OTOGL: variants seen among roughly 807,000 people sequenced by gnomAD.
The protein encoded by OTOGL is otogelin-like protein.
OTOGL carries 285 observed loss-of-function variants against 318.5 expected under a neutral mutation model. The ratio of observed to expected loss-of-function variants is 0.89; its 90% CI spans 0.81 to 0.99. The LOEUF (loss-of-function observed/expected upper bound fraction) is 0.99. Among genes scored for constraint, OTOGL ranks in the 50% least tolerant of loss-of-function variants. The probability of loss-of-function intolerance (pLI) is 0.00; values close to 1 mark genes in which losing one functional copy is unlikely to be tolerated. For synonymous variants in OTOGL, 987 were observed against 936.5 expected (o/e 1.05, Z -0.99); for missense variants, 2,899 against 2,845.6 (o/e 1.02, Z -0.43).
chr12:80,204,185 G>T (rs1002328855), intron 1 of OTOGL, among the ~76,000 whole-genome samples: 1 of 152,148 alleles, frequency 6.6e-6, no homozygotes, highest in Non-Finnish European at 1.5e-5. Context: ...CAAACGAAGG[G>T]CATAATTCCT....
chr12:80,209,340 T>C (rs1288470874), intron 1 of OTOGL, 73 bp from the exon 2 acceptor site: 2 of 778,996 alleles, frequency 2.6e-6, no homozygotes, highest in Admixed American at 3.5e-5. Context: ...TTATTAGAAT[T>C]TGAGTACCCT....
At chr12:80,198,649 A>G (rs1876251843) in intron 1 of OTOGL, among the ~76,000 whole-genome samples, 1 of 152,170 alleles carries the variant, frequency 6.6e-6, no homozygotes, top group Non-Finnish European at 1.5e-5. Flanking sequence ...ACAACTCTCC[A>G]TGGACTTCAC....
chr12:80,125,486 G>C (rs1870766430), intron 1 of OTOGL, among the ~76,000 whole-genome samples: 2 of 152,242 alleles, frequency 1.3e-5, no homozygotes, highest in South Asian at 4.2e-4. Flanking sequence ...CAGGGATATT[G>C]GTCTAAAATT....
At position 80,358,688 on chromosome 12, in the gene OTOGL, T is replaced by G; in HGVS notation, c.6139T>G (p.Cys2047Gly). ...CTTTTTAGTATGTGAACCAAACCTT[T>G]GTCCTATGCCATTACTCAACTGTGC... ...QYYCVCEPNL[C>G]PMPLLNCAED... Residue 2047 changes from cysteine to glycine, a missense_variant, in exon 51 of 59, where the codon TGT becomes GGT. Cys to Gly is a radical substitution (Grantham distance 159, BLOSUM62 -3). This residue lies in a region of OTOGL where 2,607 missense variants were observed against 2,524.9 expected (regional missense o/e 1.03). Coordinates refer to ENST00000547103, the MANE Select transcript of OTOGL (RefSeq NM_001378609.3). 1 of 1,612,200 alleles carries G rather than the reference T, an allele frequency of 6.2e-7. No homozygotes were observed. The highest frequency in any genetic ancestry group is 8.5e-7 in the Non-Finnish European group (1 of 1,178,648).
chr12:80,355,620 C>A lies in OTOGL; in HGVS notation c.5594-116C>A, dbSNP rs1053604837. 14 of 752,030 alleles carry A rather than the reference C, an allele frequency of 1.9e-5. 1 individual carries two copies. The South Asian group carries it at 2.9e-4, about 16-fold the overall frequency. 46.6% of individuals were successfully genotyped at this position (752,030 alleles called of 1,614,324 possible). ...AGAGAAATCTGAGAAAAACAATAGACTTGTGACACATCATTATGTCACTGG... is the reference window on the plus strand; with the variant it reads ...AGAGAAATCTGAGAAAAACAATAGAATTGTGACACATCATTATGTCACTGG... On this transcript the variant is annotated intron_variant, in intron 46 of 58. Transcript: ENST00000547103.
chr12:80,166,398 T>C (rs968146602), intron 1 of OTOGL, among the ~76,000 whole-genome samples: 10 of 152,342 alleles, frequency 6.6e-5, no homozygotes, highest in African/African-American at 2.4e-4. Flanking sequence ...ATCTAAGTCA[T>C]AAATCTAAGT....
chr12:80,349,710 G>C (rs989745892), intron 44 of OTOGL, among the ~76,000 whole-genome samples: 3 of 152,132 alleles, frequency 2.0e-5, no homozygotes, highest in East Asian at 1.9e-4. Flanking sequence ...TGCAAAGTAA[G>C]GTGGTTGGAA....
intron 29 of OTOGL, among the ~76,000 whole-genome samples, chr12:80,308,838 G>T (rs554512965): frequency 2.6e-5 from 4 of 152,316 alleles, no homozygotes; most frequent in African/African-American, 9.6e-5. Flanking sequence ...GTGGCGGCGC[G>T]CGCCTGCAAT....
chr12:80,192,734 C>T (rs576701551), intron 1 of OTOGL, among the ~76,000 whole-genome samples: 3 of 139,116 alleles, frequency 2.2e-5, no homozygotes, highest in South Asian at 2.5e-4. Context: ...CCAATGTCTT[C>T]GTATATTTAG....
intron 20 of OTOGL, 30 bp downstream of exon 20, chr12:80,265,240 C>G: frequency 6.3e-7 from 1 of 1,577,086 alleles, no homozygotes; most frequent in Admixed American, 1.7e-5. Context: ...TAAAGACTAT[C>G]AGATAATACC....
chr12:80,286,541 C>T (rs1459937506), intron 26 of OTOGL, among the ~76,000 whole-genome samples: 4 of 152,132 alleles, frequency 2.6e-5, no homozygotes. Flanking sequence ...ATTACTGCCT[C>T]AATTTCAGAA....
intron 1 of OTOGL, among the ~76,000 whole-genome samples, chr12:80,100,699 G>T (rs1376965509): frequency 6.6e-6 from 1 of 152,080 alleles, no homozygotes; most frequent in Non-Finnish European, 1.5e-5. Flanking sequence ...TTTCTTTCAA[G>T]CTGGTATTGG....
At chr12:80,304,366 T>C (rs568401975) in intron 28 of OTOGL, among the ~76,000 whole-genome samples, 4 of 152,246 alleles carry the variant, frequency 2.6e-5, no homozygotes, top group African/African-American at 7.2e-5. Context: ...TATTTGAACA[T>C]TTTAAATTCA....
intron 11 of OTOGL, among the ~76,000 whole-genome samples, chr12:80,250,608 G>C (rs957198992): frequency 3.3e-5 from 5 of 152,072 alleles, no homozygotes; most frequent in Non-Finnish European, 1.5e-5. Flanking sequence ...AGCCTCTAGA[G>C]TTTATATGCT....
intron 1 of OTOGL, among the ~76,000 whole-genome samples, chr12:80,128,268 C>T (rs1361698772): frequency 1.3e-5 from 2 of 152,184 alleles, no homozygotes; most frequent in Non-Finnish European, 2.9e-5. Flanking sequence ...AGTCAGGACC[C>T]TCAGCTGCAG....
intron 7 of OTOGL, among the ~76,000 whole-genome samples, chr12:80,225,714 T>C (rs1377888474): frequency 2.0e-5 from 3 of 152,102 alleles, no homozygotes; most frequent in Non-Finnish European, 4.4e-5. Flanking sequence ...TTAAATATTC[T>C]TGATACATCC....
At chr12:80,157,638 T>C (rs1370005792) in intron 1 of OTOGL, among the ~76,000 whole-genome samples, 1 of 152,178 alleles carries the variant, frequency 6.6e-6, no homozygotes, top group Non-Finnish European at 1.5e-5. Context: ...TCATTTTTCT[T>C]CATATGGATA....
At chr12:80,293,943 T>C (rs1352748332) in intron 26 of OTOGL, among the ~76,000 whole-genome samples, 1 of 152,128 alleles carries the variant, frequency 6.6e-6, no homozygotes, top group Admixed American at 6.6e-5. Context: ...CTATGACAGG[T>C]GCTGAGACTG....
At chr12:80,374,421 G>A (rs1223843165) in intron 57 of OTOGL, among the ~76,000 whole-genome samples, 1 of 152,076 alleles carries the variant, frequency 6.6e-6, no homozygotes, top group Admixed American at 6.6e-5. Flanking sequence ...TAATTATATT[G>A]CAAAGACTTT....
Sources: gnomAD v4.1 joint callset for allele counts (sites outside exome capture counted in the v4.1 genomes callset) on GRCh38, gnomAD v4.1.1 for gene constraint, gnomAD v4.1.1 regional missense constraint, MANE v1.5 for transcripts, NCBI Gene and HGNC (gene_info 2026-07-23, HGNC 2026-07-21) for gene names.